Variants in MPZL3 observed in about 807,000 individuals in gnomAD.
MPZL3 encodes myelin protein zero-like protein 3.
A neutral mutation model predicts 24.8 loss-of-function variants in MPZL3; 23 were observed. The observed-to-expected ratio is 0.93, with a 90% CI of 0.67 to 1.31. MPZL3 has a LOEUF of 1.31. Among genes scored for constraint, MPZL3 ranks in the 40% most tolerant of loss-of-function variants. MPZL3 has a pLI of 0.00. For missense variants in MPZL3, 277 were observed against 294.9 expected, an observed-to-expected ratio of 0.94 and a Z score of 0.44; for synonymous variants, 99 against 106.5, an observed-to-expected ratio of 0.93 and a Z score of 0.44.
At chr11:118,235,235 A>G (rs1949407354) in intron 4 of MPZL3, among the ~76,000 whole-genome samples, 189 bp downstream of exon 4, 1 of 152,166 alleles carries the variant, frequency 6.6e-6, no homozygotes, top group South Asian at 2.1e-4. Flanking sequence ...TCTCTCTCCA[A>G]ATTAATATTC....
intron 1 of MPZL3, among the ~76,000 whole-genome samples, chr11:118,241,731 C>T (rs1715419): frequency 0.091 from 13,791 of 152,210 alleles, 2,087 homozygotes; most frequent in African/African-American, 0.31. Flanking sequence ...CCTCTGCCAG[C>T]TTTGAATCAT....
intron 1 of MPZL3, 131 bp downstream of exon 1, chr11:118,252,091 C>T: frequency 2.3e-6 from 2 of 858,128 alleles, no homozygotes; most frequent in Non-Finnish European, 3.8e-6. Context: ...CCCAACGTCC[C>T]GCTCCCTCCC....
At chr11:118,234,766 T>A (rs754016267) in intron 4 of MPZL3, among the ~76,000 whole-genome samples, 2 of 151,338 alleles carry the variant, frequency 1.3e-5, no homozygotes, top group East Asian at 1.9e-4. Flanking sequence ...CAGAGAGAGA[T>A]TGAATTTTGG....
rs1393978016 is a variant in MPZL3, at chr11:118,227,900, A to G, written c.*1994T>C. 3.9e-5 allele frequency: 6 copies of G among 152,156 alleles called. No individual in the cohort carries two copies. In the East Asian group the frequency reaches 7.7e-4, roughly 20 times the overall value. 9.4% of individuals were successfully genotyped at this position (152,156 alleles called of 1,614,324 possible). ...TAGTCCCCCTCACAATGAGATCTCT[A>G]TCTTCAAATCTCTGAGAGCCCAAGT... On this transcript the variant is annotated 3_prime_UTR_variant, in exon 6 of 6. Transcript: ENST00000278949.
intron 4 of MPZL3, 115 bp from the exon 5 acceptor site, chr11:118,233,638 C>A: frequency 1.9e-6 from 2 of 1,046,276 alleles, no homozygotes; most frequent in Admixed American, 2.0e-5. Flanking sequence ...AGTTCTTCCA[C>A]TCACTAGCTG....
intron 3 of MPZL3, 128 bp downstream of exon 3, chr11:118,236,922 T>G: frequency 1.4e-6 from 1 of 716,554 alleles, no homozygotes; most frequent in Non-Finnish European, 2.3e-6. Context: ...AAAAATTACT[T>G]CGATTCAATG....
chr11:118,235,264 C>A (rs1006609325), intron 4 of MPZL3, among the ~76,000 whole-genome samples, 160 bp downstream of exon 4: 1 of 152,222 alleles, frequency 6.6e-6, no homozygotes, highest in Non-Finnish European at 1.5e-5. Flanking sequence ...CACTTTCAAC[C>A]TTCCTTTTGG....
At chr11:118,239,451 T>C (rs1400307474) in intron 2 of MPZL3, among the ~76,000 whole-genome samples, 1 of 152,298 alleles carries the variant, frequency 6.6e-6, no homozygotes, top group East Asian at 1.9e-4. Flanking sequence ...AAAAATACAA[T>C]CTTCCATACA....
chr11:118,247,579 G>A (rs970408979), intron 1 of MPZL3, among the ~76,000 whole-genome samples: 1 of 152,066 alleles, frequency 6.6e-6, no homozygotes, highest in Admixed American at 6.5e-5. Flanking sequence ...CAATCAAAGC[G>A]AGTTTCAGAA....
chr11:118,236,959 G>A lies in MPZL3; in HGVS notation c.451+91C>T, dbSNP rs924458460. ...TTTAATGACCCAACTGGCTTACAAA[G>A]ATAGACAGCTTTGTTTATCATCGAG... On this transcript the variant is annotated intron_variant, in intron 3 of 5. Transcript: ENST00000278949. 1.7e-5 allele frequency: 20 copies of A among 1,178,038 alleles called. No homozygotes were observed. In the African/African-American group the frequency reaches 3.1e-4, roughly 18 times the overall value. The allele number at this position is 1,178,038 out of a possible 1,614,324, so 73.0% of individuals were successfully genotyped here.
chr11:118,242,330 T>A (rs1793146), intron 1 of MPZL3, among the ~76,000 whole-genome samples: 116,935 of 152,174 alleles, frequency 0.77, 45,507 homozygotes, highest in African/African-American at 0.89. Context: ...ATTTTTCATT[T>A]TGATCATGTT....
chr11:118,239,088 T>C (rs1318053664), intron 2 of MPZL3, among the ~76,000 whole-genome samples: 1 of 152,240 alleles, frequency 6.6e-6, no homozygotes, highest in African/African-American at 2.4e-5. Context: ...TTTGTTGATT[T>C]TCTGACCAGC....
chr11:118,233,854 C>A (rs1793159), intron 4 of MPZL3, among the ~76,000 whole-genome samples: 46,192 of 151,584 alleles, frequency 0.3, 8,994 homozygotes, highest in African/African-American at 0.56. Context: ...ATTAGCTGGG[C>A]GTTGTGGTGC....
chr11:118,250,116 C>T (rs1949601425), intron 1 of MPZL3, among the ~76,000 whole-genome samples: 1 of 151,454 alleles, frequency 6.6e-6, no homozygotes, highest in African/African-American at 2.4e-5. Context: ...ATTCTTCTGC[C>T]TCAGCCTCTC....
rs893806889 is a variant in MPZL3 at position 118,229,182 on chromosome 11, C to A, written c.*712G>T. The stretch of plus-strand genomic sequence containing the variant: ...AGAAAATAACAAAGACTCCTTAGCC[C>A]AAATTGTACCAGCAAGACTAAAGAA... On this transcript the variant is annotated 3_prime_UTR_variant, in exon 6 of 6. Coordinates refer to ENST00000278949, the MANE Select transcript of MPZL3 (RefSeq NM_198275.3). The A allele has an allele frequency of 8.0e-5, 12 of 150,480 alleles. No homozygotes were observed. The highest frequency in any genetic ancestry group is 2.7e-4 in the African/African-American group (11 of 40,642). 9.3% of individuals were successfully genotyped at this position (150,480 alleles called of 1,614,324 possible).
Position 118,229,125 on chromosome 11 carries a change from CAAAAAAAAAA to C in MPZL3, c.*759_*768del, listed in dbSNP as rs60832269. On this transcript the variant is annotated 3_prime_UTR_variant, in exon 6 of 6. Transcript: ENST00000278949. ...CTGGCGACAGAGTGAGACTCTGCCT[CAAAAAAAAAA>C]AAAAAAAAAAAAAAGCAAGACAGAA... 0.56 allele frequency: 55,495 copies of C among 98,388 alleles called. 13,289 individuals are homozygous for C. The highest frequency in any genetic ancestry group is 0.76 in the South Asian group (3,112 of 4,096). 6.1% of individuals were successfully genotyped at this position (98,388 alleles called of 1,614,324 possible).
At position 118,252,305 on chromosome 11, in the gene MPZL3, C is replaced by A. The variant is rs756551713; in HGVS notation, c.-11G>T. 4 of 1,613,498 alleles carry A rather than the reference C, an allele frequency of 2.5e-6. No homozygotes were observed. In the Admixed American group the frequency reaches 5.0e-5, roughly 20 times the overall value. On this transcript the variant is annotated 5_prime_UTR_variant, in exon 1 of 6. Transcript: ENST00000278949. Reference sequence around the variant, plus strand: ...TCCTCTCTGCTGCATCCCGGCAGCTCTTCAGATGCTTGCACACCTTGTTTA... The same window carrying A: ...TCCTCTCTGCTGCATCCCGGCAGCTATTCAGATGCTTGCACACCTTGTTTA...
intron 5 of MPZL3, among the ~76,000 whole-genome samples, chr11:118,232,576 G>A (rs1949368050): frequency 6.6e-6 from 1 of 151,956 alleles, no homozygotes; most frequent in Non-Finnish European, 1.5e-5. Flanking sequence ...ACAAATCACT[G>A]TTGAATGGAT....
intron 1 of MPZL3, among the ~76,000 whole-genome samples, chr11:118,243,786 A>G (rs1046075820): frequency 1.3e-5 from 2 of 151,660 alleles, no homozygotes; most frequent in African/African-American, 4.8e-5. Context: ...AAAAAAAAAA[A>G]CCTTTCTACT....
Sources: gnomAD v4.1 joint callset for allele counts (sites outside exome capture counted in the v4.1 genomes callset) on GRCh38, gnomAD v4.1.1 for gene constraint, MANE v1.5 for transcripts, NCBI Gene and HGNC (gene_info 2026-07-23, HGNC 2026-07-21) for gene names.